The following INPP5A variants were observed in gnomAD, a reference collection of about 807,000 sequenced individuals.
INPP5A encodes inositol polyphosphate-5-phosphatase A, also known as 43 kDa inositol polyphosphate 5-phophatase.
A neutral mutation model predicts 65.2 loss-of-function variants in INPP5A; 14 were observed. That is an observed-to-expected ratio of 0.21 (90% confidence interval 0.14 to 0.34). The LOEUF (loss-of-function observed/expected upper bound fraction) is 0.34. Among genes scored for constraint, INPP5A ranks in the 10% least tolerant of loss-of-function variants. The pLI, the probability that INPP5A is intolerant of heterozygous loss-of-function variation, is 1.00. For missense variants in INPP5A, 431 were observed against 545.6 expected, an observed-to-expected ratio of 0.79 and a Z score of 2.09; for synonymous variants, 207 against 208.3, an observed-to-expected ratio of 0.99 and a Z score of 0.05.
Position 132,710,450 on chromosome 10 carries a change from TGGACAGGTAGGTGTGGGC to T in INPP5A, c.644_647+14del, listed in dbSNP as rs1203957465. 6.2e-6 allele frequency: 10 copies of T among 1,613,532 alleles called. No individual in the cohort carries two copies. Among genetic ancestry groups the T allele is most frequent in the Non-Finnish European group, 8.5e-6 (10 of 1,179,906 alleles). On this transcript the variant is annotated splice_donor_variant and splice_donor_5th_base_variant and coding_sequence_variant and intron_variant, in exon 8 of 16. Coordinates refer to ENST00000368594, the MANE Select transcript of INPP5A (RefSeq NM_005539.5). LOFTEE classifies it high-confidence loss of function. Reference sequence around the variant, plus strand: ...CGGCACAAGGCACTGGGCTACGTGCTGGACAGGTAGGTGTGGGCGGGCAGGTAGGCGTGGGCCGGGCAA... The same window carrying T: ...CGGCACAAGGCACTGGGCTACGTGCTGGGCAGGTAGGCGTGGGCCGGGCAA...
chr10:132,729,637 G>A (rs1049815296), intron 9 of INPP5A, among the ~76,000 whole-genome samples: 2 of 152,164 alleles, frequency 1.3e-5, no homozygotes, highest in African/African-American at 4.8e-5. Flanking sequence ...TTAGGCTGTC[G>A]CTAAAGGAGC....
chr10:132,563,466 C>G (rs1172935123), intron 1 of INPP5A, among the ~76,000 whole-genome samples: 2 of 152,126 alleles, frequency 1.3e-5, no homozygotes, highest in Non-Finnish European at 2.9e-5. Context: ...TTCATGAGTT[C>G]ACAAAAACCT....
At chr10:132,559,962 C>A (rs1446765166) in intron 1 of INPP5A, among the ~76,000 whole-genome samples, 1 of 152,100 alleles carries the variant, frequency 6.6e-6, no homozygotes, top group African/African-American at 2.4e-5. Context: ...CGGGTGTAGA[C>A]CTGCTTGTGG....
intron 2 of INPP5A, 74 bp downstream of exon 2, chr10:132,608,030 T>C: frequency 7.3e-7 from 1 of 1,369,140 alleles, no homozygotes. Context: ...TTGGCATTCC[T>C]CCATGGAGTC....
chr10:132,708,382 C>T lies in INPP5A; in HGVS notation c.527+17C>T, dbSNP rs372787901. On this transcript the variant is annotated intron_variant, in intron 7 of 15. Coordinates refer to ENST00000368594, the MANE Select transcript of INPP5A (RefSeq NM_005539.5). Reference sequence around the variant, plus strand: ...TGCAGACTGGTACGTGGTGTCTGTGCTTTGTCAATTTCCATAACGTTTCTT... The same window carrying T: ...TGCAGACTGGTACGTGGTGTCTGTGTTTTGTCAATTTCCATAACGTTTCTT... 3 of 1,611,706 alleles carry T rather than the reference C, an allele frequency of 1.9e-6. No individual in the cohort carries two copies. The highest frequency in any genetic ancestry group is 3.3e-5 in the Admixed American group (2 of 60,016).
chr10:132,591,734 C>T (rs2071622773), intron 1 of INPP5A, among the ~76,000 whole-genome samples: 1 of 152,156 alleles, frequency 6.6e-6, no homozygotes, highest in Non-Finnish European at 1.5e-5. Context: ...GCTTCTCTGC[C>T]CCTCCAGGTG....
intron 2 of INPP5A, among the ~76,000 whole-genome samples, chr10:132,621,062 A>G (rs1458865090): frequency 6.6e-6 from 1 of 152,232 alleles, no homozygotes; most frequent in Non-Finnish European, 1.5e-5. Context: ...ATTTGACACA[A>G]TTCTGTAACC....
rs758789105 is a variant in INPP5A at position 132,637,696 on chromosome 10, G to A, written c.118-8172G>A. On this transcript the variant is annotated intron_variant, in intron 2 of 15. Transcript: ENST00000368594. The surrounding 1 kb of genome is among the most constrained non-coding windows in gnomAD (Gnocchi z 4.1). ...TCTGTGCTTTGCCTTTGCCGCCCCC[G>A]AGGTTGATGGGCGCTCTCCGTCTCT... 2.6e-5 allele frequency among the ~76,000 whole-genome samples: 4 copies of A among 152,138 alleles called. No homozygotes were observed. Among genetic ancestry groups the A allele is most frequent in the Non-Finnish European group, 5.9e-5 (4 of 68,032 alleles).
chr10:132,559,098 C>T (rs140613430), intron 1 of INPP5A, among the ~76,000 whole-genome samples: 44 of 152,328 alleles, frequency 2.9e-4, no homozygotes, highest in African/African-American at 9.1e-4. Flanking sequence ...TGAGCTTGCC[C>T]GGCTGGCCAC....
rs1280135297 is a variant in INPP5A at position 132,720,781 on chromosome 10, G to A, written c.648-6040G>A. ...CTGTCTTGCGGGTTCTGTGGTACCTGGGTTCTGTCTGGGCGCCTTAGATGG... is the reference window on the plus strand; with the variant it reads ...CTGTCTTGCGGGTTCTGTGGTACCTAGGTTCTGTCTGGGCGCCTTAGATGG... On this transcript the variant is annotated intron_variant, in intron 8 of 15. Transcript: ENST00000368594. Among the ~76,000 whole-genome samples the A allele has an allele frequency of 7.3e-5, 11 of 150,326 alleles. 1 individual carries two copies. Among genetic ancestry groups the A allele is most frequent in the Admixed American group, 7.3e-4 (11 of 15,164 alleles).
At position 132,551,830 on chromosome 10, in the gene INPP5A, T is replaced by G. The variant is rs1024622960; in HGVS notation, c.75+13659T>G. ...ACTGTCAGAAGAGCCAGCCGGGGTC[T>G]TCTCTGAATAGTCGGCTGCACGATT... On this transcript the variant is annotated intron_variant, in intron 1 of 15. Coordinates refer to ENST00000368594, the MANE Select transcript of INPP5A (RefSeq NM_005539.5). The surrounding 1 kb of genome is among the most constrained non-coding windows in gnomAD (Gnocchi z 5.3). Among the ~76,000 whole-genome samples the G allele has an allele frequency of 1.3e-5, 2 of 152,200 alleles. No individual in the cohort carries two copies. The highest frequency in any genetic ancestry group is 4.8e-5 in the African/African-American group (2 of 41,442).
At chr10:132,606,593 C>A (rs2071855916) in intron 1 of INPP5A, among the ~76,000 whole-genome samples, 1 of 152,222 alleles carries the variant, frequency 6.6e-6, no homozygotes, top group South Asian at 2.1e-4. Flanking sequence ...ATTAATTTAT[C>A]TAAAATTCAG....
intron 8 of INPP5A, among the ~76,000 whole-genome samples, chr10:132,711,308 G>A (rs1016690321): frequency 1.4e-4 from 22 of 152,176 alleles, no homozygotes; most frequent in Admixed American, 7.2e-4. Flanking sequence ...CTTGGGGCCC[G>A]TGTCCCTCCC....
At chr10:132,710,585 G>T (rs1333187216) in intron 8 of INPP5A, 129 bp downstream of exon 8, 18 of 1,279,066 alleles carry the variant, frequency 1.4e-5, no homozygotes, top group Non-Finnish European at 1.9e-5. Flanking sequence ...TGGACAGGTA[G>T]GTGGGGTGGA....
At chr10:132,594,296 A>T (rs1262624826) in intron 1 of INPP5A, among the ~76,000 whole-genome samples, 1 of 152,232 alleles carries the variant, frequency 6.6e-6, no homozygotes, top group Non-Finnish European at 1.5e-5. Context: ...CAATAAAAAA[A>T]CTGTTCAGTC....
intron 9 of INPP5A, among the ~76,000 whole-genome samples, chr10:132,737,878 A>G (rs1172992552): frequency 6.6e-6 from 1 of 152,250 alleles, no homozygotes; most frequent in East Asian, 1.9e-4. Flanking sequence ...ATAAAATGTT[A>G]TACTTAATTA....
intron 5 of INPP5A, among the ~76,000 whole-genome samples, chr10:132,691,371 G>A (rs1187387297): frequency 2.6e-5 from 4 of 152,212 alleles, no homozygotes; most frequent in African/African-American, 9.6e-5. Flanking sequence ...GGAGCCGGCC[G>A]GTGGCGCTCT....
At chr10:132,773,651 C>T (rs1211932371) in intron 12 of INPP5A, among the ~76,000 whole-genome samples, 3 of 152,190 alleles carry the variant, frequency 2.0e-5, no homozygotes, top group African/African-American at 4.8e-5. Context: ...GTGCCTGTGG[C>T]TCATACAGAC....
intron 4 of INPP5A, among the ~76,000 whole-genome samples, chr10:132,669,688 G>A (rs574855345): frequency 2.6e-5 from 4 of 152,328 alleles, no homozygotes; most frequent in South Asian, 2.1e-4. Context: ...CTGCCTGTGC[G>A]TGCCCCATGG....
Sources: allele counts gnomAD v4.1 joint callset (sites outside exome capture counted in the v4.1 genomes callset), GRCh38; gene constraint gnomAD v4.1.1; non-coding constraint Gnocchi (gnomAD v3.1); transcripts MANE v1.5; gene names NCBI Gene and HGNC (gene_info 2026-07-23, HGNC 2026-07-21).